Variants in SORCS1 observed in about 807,000 individuals in gnomAD.
The protein encoded by SORCS1 is VPS10 domain-containing receptor SorCS1.
A neutral mutation model predicts 146.1 loss-of-function variants in SORCS1; 60 were observed. The observed-to-expected ratio is 0.41, with a 90% confidence interval of 0.33 to 0.51. The LOEUF is 0.51. SORCS1 is among the 20% of genes least tolerant of loss of function. The pLI, the probability that SORCS1 is intolerant of heterozygous loss-of-function variation, is 0.21. For synonymous variants in SORCS1, 637 were observed against 584.0 expected (o/e 1.09, Z -1.31); for missense variants, 1,352 against 1,487.6 (o/e 0.91, Z 1.50).
chr10:106,952,601 A>G (rs1474108282), intron 2 of SORCS1, among the ~76,000 whole-genome samples: 1 of 146,734 alleles, frequency 6.8e-6, no homozygotes, highest in Non-Finnish European at 1.5e-5. Context: ...ATATTATAAT[A>G]TGAAGTATTA....
intron 17 of SORCS1, among the ~76,000 whole-genome samples, chr10:106,658,282 C>T (rs750475598): frequency 6.6e-6 from 1 of 151,692 alleles, no homozygotes; most frequent in African/African-American, 2.4e-5. Context: ...GCCCGGGATG[C>T]TCTTTCCTAC....
chr10:107,091,824 G>A (rs1964204951), intron 1 of SORCS1, among the ~76,000 whole-genome samples: 1 of 152,162 alleles, frequency 6.6e-6, no homozygotes, highest in Non-Finnish European at 1.5e-5. Flanking sequence ...TCTTCCAGAT[G>A]GTAAAATGCA....
At chr10:107,165,292 AGTGTGTGTGT>A (rs3982278), upstream of SORCS1, among the ~76,000 whole-genome samples, 42 of 142,796 alleles carry the variant, frequency 2.9e-4, no homozygotes, top group Non-Finnish European at 5.4e-4. The surrounding 1 kb of genome is among the most constrained non-coding windows in gnomAD (Gnocchi z 4.0). Flanking sequence ...CTCGTGTGTG[AGTGTGTGTGT>A]GTGTGTGTGT....
chr10:107,031,410 A>G (rs1448845921), intron 1 of SORCS1, among the ~76,000 whole-genome samples: 1 of 152,192 alleles, frequency 6.6e-6, no homozygotes, highest in Non-Finnish European at 1.5e-5. Flanking sequence ...TCATGCCTAT[A>G]GCCATTTCAA....
At chr10:106,788,330 A>G (rs1946154630) in intron 3 of SORCS1, among the ~76,000 whole-genome samples, 1 of 152,108 alleles carries the variant, frequency 6.6e-6, no homozygotes. Flanking sequence ...TTAATAACCA[A>G]TTATGCCTTC....
chr10:106,628,126 A>C (rs1048148921), intron 19 of SORCS1, among the ~76,000 whole-genome samples: 6 of 152,196 alleles, frequency 3.9e-5, no homozygotes, highest in African/African-American at 1.4e-4. Flanking sequence ...GTCAGACCCA[A>C]ATAAAGGAGT....
intron 1 of SORCS1, among the ~76,000 whole-genome samples, chr10:106,985,101 C>T (rs776438339): frequency 2.0e-5 from 3 of 152,106 alleles, no homozygotes; most frequent in Non-Finnish European, 4.4e-5. Context: ...GAAGGAGAAT[C>T]GCTTGAACCT....
chr10:107,034,683 A>AAAAAAAAAC (rs2133951386), intron 1 of SORCS1, among the ~76,000 whole-genome samples: 1 of 135,224 alleles, frequency 7.4e-6, no homozygotes, highest in African/African-American at 2.9e-5. Flanking sequence ...TCCATCTCAA[A>AAAAAAAAAC]AAAAAAAAAA....
intron 1 of SORCS1, among the ~76,000 whole-genome samples, chr10:107,138,473 T>A (rs1344563406): frequency 2.0e-5 from 3 of 152,188 alleles, no homozygotes; most frequent in Non-Finnish European, 4.4e-5. Flanking sequence ...CCCTCAGTAA[T>A]CCTACCTTCC....
chr10:107,005,391 T>G (rs960230015), intron 1 of SORCS1, among the ~76,000 whole-genome samples: 14 of 152,122 alleles, frequency 9.2e-5, no homozygotes, highest in African/African-American at 3.4e-4. Flanking sequence ...CTTTAAAAAC[T>G]AGAGATTGTT....
intron 1 of SORCS1, among the ~76,000 whole-genome samples, chr10:107,046,453 T>C (rs1397565087): frequency 1.3e-5 from 2 of 151,984 alleles, no homozygotes; most frequent in African/African-American, 4.8e-5. Context: ...TCTGTACTAC[T>C]AATAATATAT....
At chr10:106,643,619 C>T (rs1244740438) in intron 18 of SORCS1, among the ~76,000 whole-genome samples, 1 of 152,234 alleles carries the variant, frequency 6.6e-6, no homozygotes, top group Non-Finnish European at 1.5e-5. Context: ...TTCATCCCTG[C>T]TGTTGAAGCT....
intron 1 of SORCS1, chr10:106,969,964 T>C (rs1226799778): frequency 1.3e-5 from 2 of 152,334 alleles, no homozygotes; most frequent in African/African-American, 4.8e-5. Context: ...TCAGGAGATA[T>C]GGACCTGAGC....
intron 24 of SORCS1, among the ~76,000 whole-genome samples, chr10:106,596,832 C>T (rs531531851): frequency 5.9e-5 from 9 of 152,232 alleles, no homozygotes; most frequent in East Asian, 1.9e-4. Flanking sequence ...CGTATATAAG[C>T]GGTTTGCTGA....
intron 1 of SORCS1, among the ~76,000 whole-genome samples, chr10:107,001,478 T>C (rs890970275): frequency 2.8e-4 from 43 of 152,126 alleles, no homozygotes; most frequent in African/African-American, 9.2e-4. Context: ...GGGTTCAATC[T>C]GGGATAGGAG....
chr10:106,812,871 C>A (rs539646723), intron 3 of SORCS1, among the ~76,000 whole-genome samples: 2 of 151,984 alleles, frequency 1.3e-5, no homozygotes, highest in Non-Finnish European at 2.9e-5. Context: ...TTAAAGGTAA[C>A]GATAGAGCCA....
At position 107,105,704 on chromosome 10, in the gene SORCS1, C is replaced by T. The variant is rs1590149838; in HGVS notation, c.558+58265G>A. Among the ~76,000 whole-genome samples the T allele has an allele frequency of 2.0e-5, 3 of 149,872 alleles. No homozygotes were observed. The East Asian group carries it at 5.9e-4, about 30-fold the overall frequency. ...GCTTTTATCCTAGCCATGCTGGCAG[C>T]TGATTAGATGATGCCCACCCAGATT... On this transcript the variant is annotated intron_variant, in intron 1 of 25. Transcript: ENST00000263054.
At chr10:106,790,132 A>G (rs557613565) in intron 3 of SORCS1, among the ~76,000 whole-genome samples, 1 of 152,218 alleles carries the variant, frequency 6.6e-6, no homozygotes, top group South Asian at 2.1e-4. Flanking sequence ...TAACCACATC[A>G]TGGTGCTTCT....
At chr10:106,858,609 A>G (rs1462327249) in intron 2 of SORCS1, among the ~76,000 whole-genome samples, 1 of 147,744 alleles carries the variant, frequency 6.8e-6, no homozygotes, top group Non-Finnish European at 1.5e-5. Context: ...CTCTGTCTCA[A>G]AAAAAAAAAA....
Sources: allele counts gnomAD v4.1 joint callset (sites outside exome capture counted in the v4.1 genomes callset), GRCh38; gene constraint gnomAD v4.1.1; non-coding constraint Gnocchi (gnomAD v3.1); transcripts MANE v1.5; gene names NCBI Gene and HGNC (gene_info 2026-07-23, HGNC 2026-07-21).